Variants in TCF20 observed in about 807,000 individuals in gnomAD.
TCF20 encodes transcription factor 20.
Under a neutral mutation model 148.6 loss-of-function variants are expected in TCF20, and 3 were observed. The observed-to-expected ratio is 0.02, with a 90% CI of 0.01 to 0.05. TCF20 has a LOEUF of 0.05. Among genes scored for constraint, TCF20 ranks in the 10% least tolerant of loss-of-function variants. The pLI, the probability that TCF20 is intolerant of heterozygous loss-of-function variation, is 1.00. For synonymous variants in TCF20, 1,049 were observed against 909.5 expected (o/e 1.15, Z -2.76); for missense variants, 2,350 against 2,429.3 (o/e 0.97, Z 0.69).
intron 4 of TCF20, 40 bp from the exon 5 acceptor site, chr22:42,168,776 G>A (rs1220703645): frequency 1.3e-6 from 2 of 1,577,696 alleles, no homozygotes; most frequent in East Asian, 2.3e-5. Flanking sequence ...ACAGGTGGGA[G>A]AGGACAGTGC....
chr22:42,182,732 GTT>G (rs1936840951), intron 2 of TCF20, among the ~76,000 whole-genome samples: 1 of 152,192 alleles, frequency 6.6e-6, no homozygotes, highest in African/African-American at 2.4e-5. Context: ...CAGAAATGCA[GTT>G]TTGTTTTTTG....
At chr22:42,182,909 G>T (rs1017311624) in intron 2 of TCF20, among the ~76,000 whole-genome samples, 22 of 149,682 alleles carry the variant, frequency 1.5e-4, no homozygotes, top group East Asian at 1.3e-3. Context: ...GCAACTTTTT[G>T]TTTTTTTACT....
chr22:42,174,836 C>A (rs564309587), intron 3 of TCF20, among the ~76,000 whole-genome samples: 1 of 151,940 alleles, frequency 6.6e-6, no homozygotes, highest in Admixed American at 6.6e-5. Context: ...GAGATCGAGA[C>A]CATCCCGGCT....
chr22:42,237,271 C>T (rs754077994), intron 1 of TCF20, among the ~76,000 whole-genome samples: 1 of 152,210 alleles, frequency 6.6e-6, no homozygotes, highest in Admixed American at 6.5e-5. Context: ...GCATCTTCAT[C>T]AGGAGTAGAT....
intron 1 of TCF20, among the ~76,000 whole-genome samples, chr22:42,298,529 C>T (rs1237052899): frequency 4.6e-5 from 7 of 152,130 alleles, no homozygotes; most frequent in South Asian, 2.1e-4. Context: ...CCCAGAACCC[C>T]GAAGCAGAAG....
At chr22:42,203,392 G>A (rs902929501) in intron 2 of TCF20, among the ~76,000 whole-genome samples, 28 of 151,170 alleles carry the variant, frequency 1.9e-4, no homozygotes, top group African/African-American at 6.8e-4. Context: ...CCTACCTCTA[G>A]AGAGAAAAAA....
rs1480678652 is a variant in TCF20 at position 42,214,075 on chromosome 22, T to C, written c.1231A>G (p.Ile411Val). The change falls in exon 2 of 6, where the codon ATT becomes GTT. Residue 411 changes from isoleucine (I) to valine (V), a missense_variant. Transcript: ENST00000677622. ...GSVPMGSRNR[I>V]LQLMPQLSPT... ...CTGAGTTGAGGCATTAACTGTAAAA[T>C]TCTGTTTCTGGAACCCATAGGCACA... 1.2e-6 allele frequency: 2 copies of C among 1,614,034 alleles called. No homozygotes were observed. The highest frequency in any genetic ancestry group is 2.7e-5 in the African/African-American group (2 of 74,918).
intron 1 of TCF20, among the ~76,000 whole-genome samples, chr22:42,230,991 T>A (rs1020226033): frequency 2.6e-5 from 4 of 151,982 alleles, no homozygotes; most frequent in Non-Finnish European, 4.4e-5. Flanking sequence ...AAACCCCGTC[T>A]CTACTAAAAA....
chr22:42,232,179 C>T (rs1392323931), intron 1 of TCF20, among the ~76,000 whole-genome samples: 1 of 152,008 alleles, frequency 6.6e-6, no homozygotes, highest in African/African-American at 2.4e-5. Context: ...ACATACTTAC[C>T]ACTCTTTTAC....
chr22:42,260,146 A>G (rs1422414170), intron 1 of TCF20, among the ~76,000 whole-genome samples: 1 of 152,128 alleles, frequency 6.6e-6, no homozygotes, highest in Non-Finnish European at 1.5e-5. Context: ...AAGATTTGAG[A>G]AGCAGAGTGT....
At chr22:42,201,454 T>C (rs915744474) in intron 2 of TCF20, among the ~76,000 whole-genome samples, 1 of 152,134 alleles carries the variant, frequency 6.6e-6, no homozygotes, top group Non-Finnish European at 1.5e-5. Flanking sequence ...AGTGCTGACA[T>C]GTTAAAAAGT....
At chr22:42,340,784 T>A (rs1315637398) in intron 1 of TCF20, among the ~76,000 whole-genome samples, 2 of 150,674 alleles carry the variant, frequency 1.3e-5, no homozygotes, top group Non-Finnish European at 2.9e-5. Flanking sequence ...TCCCTCATCA[T>A]CTCTTCCACA....
chr22:42,261,431 A>T (rs1926022488), intron 1 of TCF20, among the ~76,000 whole-genome samples: 1 of 152,082 alleles, frequency 6.6e-6, no homozygotes, highest in African/African-American at 2.4e-5. Flanking sequence ...ATCATTTTAT[A>T]CTCCCATCAG....
chr22:42,314,358 A>G (rs930922456), intron 1 of TCF20, among the ~76,000 whole-genome samples: 1 of 152,286 alleles, frequency 6.6e-6, no homozygotes, highest in Non-Finnish European at 1.5e-5. Flanking sequence ...ACAGGCTGCC[A>G]GAGCGCCGAT....
At chr22:42,300,090 C>A (rs1927309270) in intron 1 of TCF20, among the ~76,000 whole-genome samples, 1 of 152,098 alleles carries the variant, frequency 6.6e-6, no homozygotes, top group African/African-American at 2.4e-5. Flanking sequence ...AGCCGCTGGG[C>A]CTGGGGCTGC....
intron 1 of TCF20, among the ~76,000 whole-genome samples, chr22:42,339,190 G>A (rs73886045): frequency 0.049 from 7,484 of 152,216 alleles, 617 homozygotes; most frequent in African/African-American, 0.17. Context: ...CCTAGCGCTC[G>A]TCCTCACACA....
At chr22:42,250,141 T>TA (rs572120096) in intron 1 of TCF20, among the ~76,000 whole-genome samples, 197 of 152,118 alleles carry the variant, frequency 1.3e-3, no homozygotes, top group African/African-American at 4.2e-3. Flanking sequence ...ATGGTCTCTT[T>TA]AAAAAAAGTT....
At chr22:42,238,683 G>C (rs973099917) in intron 1 of TCF20, among the ~76,000 whole-genome samples, 8 of 152,196 alleles carry the variant, frequency 5.3e-5, no homozygotes, top group African/African-American at 1.9e-4. Flanking sequence ...TGTGTCTGAG[G>C]TAACAGAGAG....
chr22:42,293,149 T>TG (rs2075446842), intron 1 of TCF20, among the ~76,000 whole-genome samples: 1 of 152,056 alleles, frequency 6.6e-6, no homozygotes, highest in South Asian at 2.1e-4. Flanking sequence ...AGTGTAGTGT[T>TG]GGCCCCCCAG....
Sources: gnomAD v4.1 joint callset for allele counts (sites outside exome capture counted in the v4.1 genomes callset) on GRCh38, gnomAD v4.1.1 for gene constraint, MANE v1.5 for transcripts, NCBI Gene and HGNC (gene_info 2026-07-23, HGNC 2026-07-21) for gene names.